Variants in AKAP19 observed in about 807,000 individuals in gnomAD.
AKAP19 encodes A-kinase anchoring protein 19.
At chr2:190,012,438 T>C in the AKAP19 span, among the ~76,000 whole-genome samples, 1 of 152,240 alleles carries the variant, frequency 6.6e-6, no homozygotes, top group Non-Finnish European at 1.5e-5. Flanking sequence ...TGTTAGTGTA[T>C]AGAAATGCTA....
At chr2:190,133,233 G>T in the AKAP19 span, among the ~76,000 whole-genome samples, 1 of 44,362 alleles carries the variant, frequency 2.3e-5, no homozygotes, top group Non-Finnish European at 4.0e-5. Flanking sequence ...GCGAGACTCT[G>T]CCAAAAAAAA....
the AKAP19 span, among the ~76,000 whole-genome samples, chr2:190,029,582 G>A: frequency 6.6e-6 from 1 of 152,156 alleles, no homozygotes; most frequent in Non-Finnish European, 1.5e-5. Context: ...GTGTATCAGA[G>A]GTTGGCAAGC....
the AKAP19 span, among the ~76,000 whole-genome samples, chr2:190,067,333 C>T: frequency 2.6e-5 from 4 of 152,124 alleles, no homozygotes; most frequent in African/African-American, 4.8e-5. Context: ...ACTTGGGAAG[C>T]ACCCCAGTGA....
the AKAP19 span, among the ~76,000 whole-genome samples, chr2:190,198,801 A>ATTGTT: frequency 3.9e-5 from 6 of 152,112 alleles, no homozygotes; most frequent in African/African-American, 1.4e-4. Flanking sequence ...GCTGTCTTGT[A>ATTGTT]TTGTTTTAGT....
At chr2:190,164,955 G>T in the AKAP19 span, among the ~76,000 whole-genome samples, 1 of 152,180 alleles carries the variant, frequency 6.6e-6, no homozygotes, top group Non-Finnish European at 1.5e-5. Context: ...ATCTAAGAAT[G>T]ATCATTTCTA....
chr2:190,018,042 G>A, the AKAP19 span, among the ~76,000 whole-genome samples: 3 of 152,140 alleles, frequency 2.0e-5, no homozygotes, highest in East Asian at 5.8e-4. Context: ...CCTTGTATAT[G>A]ATATGTTTCT....
the AKAP19 span, among the ~76,000 whole-genome samples, chr2:189,938,219 C>T: frequency 2.0e-5 from 3 of 151,862 alleles, no homozygotes; most frequent in Non-Finnish European, 4.4e-5. Context: ...GCCTATAATC[C>T]CAGCTACTTG....
chr2:189,894,385 T>C, the AKAP19 span, among the ~76,000 whole-genome samples: 1 of 152,158 alleles, frequency 6.6e-6, no homozygotes, highest in Non-Finnish European at 1.5e-5. Flanking sequence ...TTTTTCTATC[T>C]TACCTATTTC....
chr2:189,899,970 A>G, the AKAP19 span, among the ~76,000 whole-genome samples: 1 of 152,144 alleles, frequency 6.6e-6, no homozygotes, highest in Non-Finnish European at 1.5e-5. Flanking sequence ...CATATATAGT[A>G]TTCATGGAAA....
chr2:189,984,425 C>T, the AKAP19 span, among the ~76,000 whole-genome samples: 788 of 152,238 alleles, frequency 5.2e-3, 4 homozygotes, highest in African/African-American at 0.018. Flanking sequence ...CCCAGCTCAC[C>T]GGTGGTCAGA....
chr2:190,005,807 A>T, the AKAP19 span, among the ~76,000 whole-genome samples: 1 of 152,216 alleles, frequency 6.6e-6, no homozygotes, highest in Admixed American at 6.5e-5. Flanking sequence ...TTAGAGCTCT[A>T]TTAAAATATT....
the AKAP19 span, among the ~76,000 whole-genome samples, chr2:190,175,000 T>TACATAGAGTACATAGAGTACATAGAG: frequency 1.5e-5 from 1 of 65,178 alleles, no homozygotes; most frequent in African/African-American, 3.2e-5. Flanking sequence ...GATACATAGA[T>TACATAGAGTACATAGAGTACATAGAG]TACATGGAGT....
chr2:190,156,084 T>C, the AKAP19 span, among the ~76,000 whole-genome samples: 1 of 152,016 alleles, frequency 6.6e-6, no homozygotes, highest in African/African-American at 2.4e-5. Flanking sequence ...TTGGAGCATA[T>C]CGTGACCTCC....
chr2:190,088,629 A>AAT, the AKAP19 span, among the ~76,000 whole-genome samples: 1 of 152,240 alleles, frequency 6.6e-6, no homozygotes, highest in African/African-American at 2.4e-5. Flanking sequence ...AGAAAAAAAA[A>AAT]GTATCATGTT....
the AKAP19 span, among the ~76,000 whole-genome samples, chr2:189,999,998 T>C: frequency 6.6e-6 from 1 of 152,222 alleles, no homozygotes; most frequent in East Asian, 1.9e-4. Flanking sequence ...ATATACTGAT[T>C]TGCTCACGGA....
At chr2:190,064,877 C>T in the AKAP19 span, among the ~76,000 whole-genome samples, 423 of 152,216 alleles carry the variant, frequency 2.8e-3, 5 homozygotes, top group African/African-American at 9.7e-3. Flanking sequence ...TTGTCATTTC[C>T]GCTAACAGAC....
At chr2:190,152,216 T>C in the AKAP19 span, among the ~76,000 whole-genome samples, 1 of 152,210 alleles carries the variant, frequency 6.6e-6, no homozygotes, top group Non-Finnish European at 1.5e-5. Flanking sequence ...ATGATTCTAA[T>C]AAATATCACC....
the AKAP19 span, among the ~76,000 whole-genome samples, chr2:190,011,650 G>T: frequency 6.6e-6 from 1 of 152,060 alleles, no homozygotes; most frequent in Admixed American, 6.5e-5. Context: ...TCTGTATATG[G>T]ATATCCAGTT....
the AKAP19 span, among the ~76,000 whole-genome samples, chr2:190,068,280 T>C: frequency 0.6 from 90,694 of 152,110 alleles, 31,666 homozygotes; most frequent in South Asian, 0.79. Flanking sequence ...CTTTTTTGTC[T>C]TTTCAGCTCT....
Sources: allele counts gnomAD v4.1 joint callset (sites outside exome capture counted in the v4.1 genomes callset), GRCh38; gene constraint gnomAD v4.1.1; transcripts MANE v1.5; gene names NCBI Gene and HGNC (gene_info 2026-07-23, HGNC 2026-07-21).